The following STYXL1 variants were observed in gnomAD, a reference collection of about 807,000 sequenced individuals.
The protein encoded by STYXL1 is serine/threonine/tyrosine-interacting-like protein 1.
STYXL1 carries 32 observed loss-of-function variants against 36.4 expected under a neutral mutation model. The ratio of observed to expected loss-of-function variants is 0.88; its 90% CI spans 0.66 to 1.18. The LOEUF is 1.18. Among genes scored for constraint, STYXL1 ranks in the 50% most tolerant of loss-of-function variants. STYXL1 has a pLI of 0.00. For missense variants in STYXL1, 354 were observed against 394.1 expected (o/e 0.90, Z 0.86); for synonymous variants, 133 against 144.1 (o/e 0.92, Z 0.55).
At chr7:76,015,858 T>C (rs1259271786) in intron 4 of STYXL1, among the ~76,000 whole-genome samples, 1 of 152,172 alleles carries the variant, frequency 6.6e-6, no homozygotes, top group Non-Finnish European at 1.5e-5. Flanking sequence ...CCAGTACAGC[T>C]ACAACATAAA....
intron 5 of STYXL1, among the ~76,000 whole-genome samples, chr7:76,009,388 G>A (rs931922341): frequency 1.0e-4 from 15 of 150,612 alleles, no homozygotes; most frequent in African/African-American, 1.2e-4. Context: ...ATGTCTGATC[G>A]GTGCTACCTC....
At chr7:76,042,389 G>GTTTTTTT (rs1563528839) in intron 1 of STYXL1, among the ~76,000 whole-genome samples, 3 of 22,244 alleles carry the variant, frequency 1.3e-4, no homozygotes, top group Non-Finnish European at 3.6e-4. Flanking sequence ...GCCCTTATGT[G>GTTTTTTT]CTTTTTTTTT....
At chr7:76,013,009 A>T (rs1554572627) in intron 5 of STYXL1, among the ~76,000 whole-genome samples, 1 of 152,018 alleles carries the variant, frequency 6.6e-6, no homozygotes, top group Non-Finnish European at 1.5e-5. Context: ...CACTGTTTCA[A>T]CCCGACAGCC....
At chr7:76,021,361 A>T (rs537404883) in intron 4 of STYXL1, among the ~76,000 whole-genome samples, 1 of 152,242 alleles carries the variant, frequency 6.6e-6, no homozygotes, top group Non-Finnish European at 1.5e-5. Flanking sequence ...GATTACAGGC[A>T]TGAGCCACCG....
chr7:76,000,563 G>C, intron 8 of STYXL1: 1 of 486,894 alleles, frequency 2.1e-6, no homozygotes, highest in Non-Finnish European at 4.1e-6. Context: ...GTGGGCGCCT[G>C]TGCTGCAGCT....
intron 1 of STYXL1, among the ~76,000 whole-genome samples, chr7:76,031,770 A>T (rs1040453146): frequency 6.6e-6 from 1 of 152,100 alleles, no homozygotes; most frequent in Non-Finnish European, 1.5e-5. Flanking sequence ...TCTTGAATAC[A>T]ACGTTATCTG....
intron 3 of STYXL1, among the ~76,000 whole-genome samples, chr7:76,027,645 A>T (rs888864354): frequency 6.6e-6 from 1 of 152,086 alleles, no homozygotes; most frequent in African/African-American, 2.4e-5. Context: ...CCAAAAATAA[A>T]GATAAAAATG....
intron 8 of STYXL1, among the ~76,000 whole-genome samples, chr7:76,000,111 A>C (rs1790689730): frequency 6.6e-6 from 1 of 151,214 alleles, no homozygotes; most frequent in African/African-American, 2.4e-5. Flanking sequence ...GAATCGCTTG[A>C]ACCCAGGAGG....
intron 1 of STYXL1, chr7:76,044,843 A>G (rs1796795685): frequency 6.6e-6 from 1 of 152,168 alleles, no homozygotes; most frequent in Non-Finnish European, 1.5e-5. Flanking sequence ...CTACAAGCAC[A>G]CACCATCACG....
intron 3 of STYXL1, among the ~76,000 whole-genome samples, chr7:76,026,159 T>C (rs1256605390): frequency 9.6e-6 from 1 of 104,272 alleles, no homozygotes; most frequent in African/African-American, 3.7e-5. Flanking sequence ...ACCACTGCAC[T>C]CCAGCCTGGA....
rs1793801531 is a variant in STYXL1, at chr7:76,019,575, AT to A, written c.307+2275del. 7.9e-5 allele frequency among the ~76,000 whole-genome samples: 12 copies of A among 152,020 alleles called. No individual in the cohort carries two copies. In the South Asian group the frequency reaches 2.5e-3, roughly 32 times the overall value. ...TGCCTCAGCCTCACAAAGTGCTGGG[AT>A]TACGAGTGTGAGGCACCGTGCCTGG... On this transcript the variant is annotated intron_variant, in intron 4 of 8. Coordinates refer to ENST00000359697, the MANE Select transcript of STYXL1 (RefSeq NM_001317785.2).
intron 8 of STYXL1, among the ~76,000 whole-genome samples, chr7:76,000,105 C>T (rs896686795): frequency 4.6e-5 from 7 of 150,680 alleles, no homozygotes; most frequent in African/African-American, 9.8e-5. Context: ...ACAGGAGAAT[C>T]GCTTGAACCC....
At chr7:76,038,499 C>T (rs1175360525) in intron 1 of STYXL1, among the ~76,000 whole-genome samples, 8 of 149,922 alleles carry the variant, frequency 5.3e-5, no homozygotes, top group Admixed American at 4.0e-4. Flanking sequence ...GATCTCAGCT[C>T]ACTGCGAGCT....
intron 2 of STYXL1, among the ~76,000 whole-genome samples, chr7:76,029,440 C>T (rs1795083833): frequency 6.6e-6 from 1 of 152,160 alleles, no homozygotes; most frequent in Non-Finnish European, 1.5e-5. Flanking sequence ...AGCCACCACA[C>T]CTGGCCTCTT....
At chr7:76,030,650 T>G in intron 1 of STYXL1, 123 bp from the exon 2 acceptor site, 1 of 644,534 alleles carries the variant, frequency 1.6e-6, no homozygotes. Context: ...AGTAATCATG[T>G]AAATGATCAG....
At chr7:76,034,467 T>A (rs1457049968) in intron 1 of STYXL1, among the ~76,000 whole-genome samples, 1 of 152,158 alleles carries the variant, frequency 6.6e-6, no homozygotes, top group Admixed American at 6.6e-5. Context: ...CATTGTTTCT[T>A]CCCCAGACAC....
chr7:76,036,332 C>T (rs1795908024), intron 1 of STYXL1, among the ~76,000 whole-genome samples: 1 of 149,908 alleles, frequency 6.7e-6, no homozygotes, highest in South Asian at 2.2e-4. Flanking sequence ...AACTCCTGAC[C>T]TCAGGTGATC....
intron 1 of STYXL1, among the ~76,000 whole-genome samples, chr7:76,031,403 T>C (rs143135465): frequency 0.01 from 1,431 of 142,174 alleles, 29 homozygotes; most frequent in African/African-American, 0.033. Flanking sequence ...ACCAAGGAAG[T>C]GATCAGGAGG....
At chr7:76,028,753 C>A in intron 2 of STYXL1, 50 bp from the exon 3 acceptor site, 1 of 1,523,054 alleles carries the variant, frequency 6.6e-7, no homozygotes, top group Non-Finnish European at 9.1e-7. Flanking sequence ...AACATACGAC[C>A]AAACTACTCA....
Sources: allele counts gnomAD v4.1 joint callset (sites outside exome capture counted in the v4.1 genomes callset), GRCh38; gene constraint gnomAD v4.1.1; transcripts MANE v1.5; gene names NCBI Gene and HGNC (gene_info 2026-07-23, HGNC 2026-07-21).